The following TCTN1 variants were observed in gnomAD, a reference collection of about 807,000 sequenced individuals.
TCTN1 encodes tectonic-1.
Under a neutral mutation model 65.8 loss-of-function variants are expected in TCTN1, and 58 were observed. The ratio of observed to expected loss-of-function variants is 0.88; its 90% CI spans 0.71 to 1.10. TCTN1 has a LOEUF of 1.10. Ranked by LOEUF, TCTN1 falls within the 50% of genes least tolerant of loss-of-function variation. TCTN1 has a pLI of 0.00. For synonymous variants in TCTN1, 273 were observed against 289.1 expected (o/e 0.94, Z 0.57); for missense variants, 645 against 719.4 (o/e 0.90, Z 1.18).
At chr12:110,614,537 A>G in intron 1 of TCTN1, 135 bp downstream of exon 1, 1 of 1,499,278 alleles carries the variant, frequency 6.7e-7, no homozygotes, top group Non-Finnish European at 9.0e-7. Context: ...TGTTCCATAA[A>G]CGTCCATTCT....
intron 4 of TCTN1, among the ~76,000 whole-genome samples, chr12:110,630,619 A>G (rs962265152): frequency 1.3e-5 from 2 of 152,254 alleles, no homozygotes; most frequent in African/African-American, 2.4e-5. Context: ...TGTATCCATT[A>G]ATATTCATAC....
Position 110,640,872 on chromosome 12 carries a change from A to T in TCTN1, c.979-152A>T. 8.8e-7 allele frequency: 1 copy of T among 1,131,106 alleles called. No homozygotes were observed. Among genetic ancestry groups the T allele is most frequent in the Non-Finnish European group, 1.3e-6 (1 of 760,414 alleles). 70.1% of individuals were successfully genotyped at this position (1,131,106 alleles called of 1,614,324 possible). ...TGTCTGCTAGGGGTGGTGCTGAGGGAACACCTCTCATAATCCAACTGGACA... is the reference window on the plus strand; with the variant it reads ...TGTCTGCTAGGGGTGGTGCTGAGGGTACACCTCTCATAATCCAACTGGACA... On this transcript the variant is annotated intron_variant, in intron 8 of 14. Transcript: ENST00000397659. The surrounding 1 kb of genome is among the most constrained non-coding windows in gnomAD (Gnocchi z 4.9).
chr12:110,627,151 G>T (rs1355711387), intron 3 of TCTN1, among the ~76,000 whole-genome samples: 1 of 142,820 alleles, frequency 7.0e-6, no homozygotes, highest in African/African-American at 2.6e-5. Flanking sequence ...AGGTTGGAAA[G>T]CAGTGGCACG....
Position 110,649,363 on chromosome 12 carries a change from C to G in TCTN1, c.*322C>G. ...GGCAGCTGTTCCTCTCGTGACAGCA[C>G]AGGCCCATGAGACAGTGTCTTCTTT... is the stretch of plus-strand genomic sequence containing the variant. On this transcript the variant is annotated 3_prime_UTR_variant, in exon 15 of 15. Coordinates refer to ENST00000397659, the MANE Select transcript of TCTN1 (RefSeq NM_001082538.3). 2 of 1,495,650 alleles carry G rather than the reference C, an allele frequency of 1.3e-6. No homozygotes were observed. Among genetic ancestry groups the G allele is most frequent in the Non-Finnish European group, 1.9e-6 (2 of 1,078,180 alleles). The allele number at this position is 1,495,650 out of a possible 1,614,324, so 92.6% of individuals were successfully genotyped here.
intron 2 of TCTN1, 53 bp downstream of exon 2, chr12:110,620,009 C>G: frequency 6.2e-7 from 1 of 1,613,404 alleles, no homozygotes; most frequent in South Asian, 1.1e-5. Flanking sequence ...CAGGATAATA[C>G]AATTTGGAGA....
intron 7 of TCTN1, among the ~76,000 whole-genome samples, chr12:110,638,204 A>G (rs1199124960): frequency 6.6e-6 from 1 of 151,956 alleles, no homozygotes; most frequent in East Asian, 1.9e-4. Context: ...GGCCAGCTCT[A>G]CTCTGTGAGC....
At chr12:110,634,921 A>T (rs1203242563) in intron 6 of TCTN1, 142 bp downstream of exon 6, 10 of 617,584 alleles carry the variant, frequency 1.6e-5, no homozygotes, top group African/African-American at 3.8e-5. Context: ...TATATCAGTG[A>T]TTATTGAAAT....
Position 110,647,886 on chromosome 12 carries a change from T to C in TCTN1, c.1773T>C (p.Phe591=). The change falls in exon 14 of 15, where the codon TTT becomes TTC. Residue 591 remains phenylalanine (F), a synonymous_variant. Coordinates refer to ENST00000397659, the MANE Select transcript of TCTN1 (RefSeq NM_001082538.3). The part of the protein sequence containing the change: ...ARLPFNFFFP[F]V ...TGCCCTTTAACTTCTTCTTCCCGTT[T>C]GTTTGACGTAAGTGAGGAAACTACG... 6.2e-7 allele frequency: 1 copy of C among 1,613,592 alleles called. No individual in the cohort carries two copies. The highest frequency in any genetic ancestry group is 1.1e-5 in the South Asian group (1 of 91,048).
At chr12:110,615,430 G>A (rs908714465) in intron 1 of TCTN1, among the ~76,000 whole-genome samples, 7 of 152,176 alleles carry the variant, frequency 4.6e-5, no homozygotes, top group African/African-American at 1.7e-4. Flanking sequence ...TTTTCCGATT[G>A]TGTGAATTGA....
chr12:110,622,965 C>A (rs1372045434), intron 2 of TCTN1, among the ~76,000 whole-genome samples: 1 of 152,116 alleles, frequency 6.6e-6, no homozygotes, highest in African/African-American at 2.4e-5. Context: ...GTATCTAGAT[C>A]TGATGATGAT....
At chr12:110,623,747 C>T (rs530781244) in intron 2 of TCTN1, among the ~76,000 whole-genome samples, 32 of 152,140 alleles carry the variant, frequency 2.1e-4, no homozygotes, top group African/African-American at 7.7e-4. Flanking sequence ...TGCCAGCATG[C>T]CGGGCTAATT....
chr12:110,631,227 G>A (rs2066213600), intron 4 of TCTN1, among the ~76,000 whole-genome samples: 1 of 151,858 alleles, frequency 6.6e-6, no homozygotes. Flanking sequence ...GTTTCACCAT[G>A]TTGGCCAGGC....
chr12:110,636,890 G>A (rs553468166), intron 7 of TCTN1, among the ~76,000 whole-genome samples: 90 of 152,378 alleles, frequency 5.9e-4, no homozygotes, highest in African/African-American at 2.1e-3. Context: ...TGGCCAGTGG[G>A]TGTCCATACC....
In TCTN1 at chr12:110,644,873, A is replaced by T; in HGVS notation, c.1332-94A>T. ...AGAGTGAGACCTTATCTCAAAAATA[A>T]ATAAACAAAGGGAAGGAAAGGAAGA... On this transcript the variant is annotated intron_variant, in intron 11 of 14. Coordinates refer to ENST00000397659, the MANE Select transcript of TCTN1 (RefSeq NM_001082538.3). The surrounding 1 kb of genome is among the most constrained non-coding windows in gnomAD (Gnocchi z 4.6). 1.2e-5 allele frequency: 18 copies of T among 1,548,090 alleles called. No homozygotes were observed. The highest frequency in any genetic ancestry group is 1.5e-5 in the Non-Finnish European group (17 of 1,126,286).
chr12:110,621,613 C>T (rs1020642550), intron 2 of TCTN1, among the ~76,000 whole-genome samples: 1 of 151,994 alleles, frequency 6.6e-6, no homozygotes, highest in Non-Finnish European at 1.5e-5. Flanking sequence ...GCTGGGACTA[C>T]AGGCGTGTGC....
intron 6 of TCTN1, chr12:110,636,180 C>T (rs569605733): frequency 6.1e-5 from 23 of 374,504 alleles, no homozygotes; most frequent in Non-Finnish European, 1.1e-4. Flanking sequence ...TGCTTATGGC[C>T]GTGAGACCAT....
Position 110,614,260 on chromosome 12 carries a change from C to T in TCTN1, c.78C>T (p.Ala26=). The change falls in exon 1 of 15, where the codon GCC becomes GCT. Residue 26 remains alanine, a synonymous_variant. Coordinates refer to ENST00000397659, the MANE Select transcript of TCTN1 (RefSeq NM_001082538.3). ...CWASVSAQTD[A]TPAVTTEGLN... is the part of the protein sequence containing the mutation. ...CCTCCGTGAGCGCCCAGACCGATGC[C>T]ACCCCGGCGGTGACGACAGAGGGCC... is the stretch of plus-strand genomic sequence containing the variant. The T allele has an allele frequency of 6.3e-7, 1 of 1,595,432 alleles. No individual in the cohort carries two copies. Among genetic ancestry groups the T allele is most frequent in the Non-Finnish European group, 8.5e-7 (1 of 1,171,752 alleles).
chr12:110,618,894 G>C (rs2065229861), intron 1 of TCTN1, among the ~76,000 whole-genome samples: 2 of 152,056 alleles, frequency 1.3e-5, no homozygotes, highest in Admixed American at 1.3e-4. Context: ...AAGTTGACCA[G>C]GAGTGGTGGC....
At chr12:110,624,815 G>C (rs2135958651) in intron 2 of TCTN1, among the ~76,000 whole-genome samples, 3 of 152,062 alleles carry the variant, frequency 2.0e-5, no homozygotes, top group African/African-American at 7.2e-5. Flanking sequence ...TGCCTGACCT[G>C]AGGTGATCCG....
Sources: allele counts gnomAD v4.1 joint callset (sites outside exome capture counted in the v4.1 genomes callset), GRCh38; gene constraint gnomAD v4.1.1; non-coding constraint Gnocchi (gnomAD v3.1); transcripts MANE v1.5; gene names NCBI Gene and HGNC (gene_info 2026-07-23, HGNC 2026-07-21).